DENND5B: variants seen among roughly 807,000 people sequenced by gnomAD.
DENND5B encodes the protein DENN domain-containing protein 5B.
DENND5B carries 34 observed loss-of-function variants against 140.6 expected under a neutral mutation model. The ratio of observed to expected loss-of-function variants is 0.24; its 90% confidence interval spans 0.18 to 0.32. DENND5B has a LOEUF of 0.32. Ranked by LOEUF, DENND5B falls within the 10% of genes least tolerant of loss-of-function variation. The pLI, the probability that DENND5B is intolerant of heterozygous loss-of-function variation, is 1.00. For synonymous variants in DENND5B, 551 were observed against 562.1 expected, an observed-to-expected ratio of 0.98 and a Z score of 0.28; for missense variants, 1,142 against 1,560.2, an observed-to-expected ratio of 0.73 and a Z score of 4.52.
At chr12:31,484,943 G>A (rs1020312714) in intron 2 of DENND5B, among the ~76,000 whole-genome samples, 6 of 152,054 alleles carry the variant, frequency 3.9e-5, no homozygotes, top group African/African-American at 1.4e-4. Context: ...TTAGACAACC[G>A]GCGATGACCA....
At chr12:31,577,249 T>C (rs532687266) in intron 1 of DENND5B, among the ~76,000 whole-genome samples, 2 of 152,170 alleles carry the variant, frequency 1.3e-5, no homozygotes, top group African/African-American at 2.4e-5. Flanking sequence ...TATGTTGTAC[T>C]AGAAAAGAGG....
chr12:31,440,684 G>A (rs1163689479), intron 7 of DENND5B, among the ~76,000 whole-genome samples: 2 of 151,996 alleles, frequency 1.3e-5, no homozygotes, highest in African/African-American at 4.8e-5. Context: ...TTTGAAAGAG[G>A]GTCTTTGCAA....
At chr12:31,407,126 T>G (rs1038501762) in intron 14 of DENND5B, among the ~76,000 whole-genome samples, 1 of 151,118 alleles carries the variant, frequency 6.6e-6, no homozygotes, top group Non-Finnish European at 1.5e-5. Context: ...ATTAATTAAT[T>G]AATTTATTTA....
chr12:31,589,171 A>C (rs1950510450), intron 1 of DENND5B, among the ~76,000 whole-genome samples: 1 of 152,190 alleles, frequency 6.6e-6, no homozygotes, highest in African/African-American at 2.4e-5. Flanking sequence ...TGGTGCCACA[A>C]ATGTTTAGGA....
At chr12:31,471,240 T>C (rs1010079481) in intron 3 of DENND5B, among the ~76,000 whole-genome samples, 22 of 152,290 alleles carry the variant, frequency 1.4e-4, no homozygotes, top group Admixed American at 1.4e-3. Context: ...CTGTAGTTTC[T>C]TGGTTTTGTG....
intron 14 of DENND5B, 73 bp from the exon 15 acceptor site, chr12:31,402,716 A>T: frequency 6.8e-7 from 1 of 1,467,532 alleles, no homozygotes; most frequent in Admixed American, 2.3e-5. Context: ...TATATTAAGA[A>T]CTCTTGTTGG....
chr12:31,391,739 A>AC (rs1466175055), intron 19 of DENND5B, among the ~76,000 whole-genome samples: 1 of 152,054 alleles, frequency 6.6e-6, no homozygotes, highest in East Asian at 1.9e-4. Flanking sequence ...TGCAGCCTTC[A>AC]CCTCCTAGGC....
At chr12:31,510,923 T>C (rs921864275) in intron 1 of DENND5B, among the ~76,000 whole-genome samples, 2 of 152,202 alleles carry the variant, frequency 1.3e-5, no homozygotes, top group Admixed American at 6.5e-5. Context: ...ATTAGGCTCC[T>C]ACACATCTTT....
At position 31,527,696 on chromosome 12, in the gene DENND5B, T is replaced by C. The variant is rs150344288; in HGVS notation, c.128-31777A>G. On this transcript the variant is annotated intron_variant, in intron 1 of 20. Transcript: ENST00000389082. Reference sequence around the variant, plus strand: ...GGGAGGCTGAGGCAGGAGAACTGCTTGAACCCGGGAGGTGGAGGTTGCAGT... The same window carrying C: ...GGGAGGCTGAGGCAGGAGAACTGCTCGAACCCGGGAGGTGGAGGTTGCAGT... 6.2e-3 allele frequency among the ~76,000 whole-genome samples: 938 copies of C among 152,248 alleles called. 4 individuals carry two copies. The highest frequency in any genetic ancestry group is 0.01 in the Middle Eastern group (3 of 294).
intron 1 of DENND5B, among the ~76,000 whole-genome samples, chr12:31,545,041 C>T (rs1027836077): frequency 6.6e-6 from 1 of 151,974 alleles, no homozygotes; most frequent in Admixed American, 6.6e-5. Context: ...TTTAGACAAT[C>T]GCCCCCACCA....
At chr12:31,570,556 C>T (rs1005777753) in intron 1 of DENND5B, among the ~76,000 whole-genome samples, 39 of 148,576 alleles carry the variant, frequency 2.6e-4, no homozygotes, top group African/African-American at 9.5e-4. Flanking sequence ...GGATTACAGG[C>T]GTGAGCCACT....
chr12:31,438,542 G>A (rs1308614711), intron 7 of DENND5B, among the ~76,000 whole-genome samples: 1 of 152,068 alleles, frequency 6.6e-6, no homozygotes, highest in Non-Finnish European at 1.5e-5. Flanking sequence ...AAAGAGCAAT[G>A]TAAGACTGTA....
At chr12:31,555,210 G>A (rs1453196446) in intron 1 of DENND5B, among the ~76,000 whole-genome samples, 2 of 152,098 alleles carry the variant, frequency 1.3e-5, no homozygotes, top group African/African-American at 4.8e-5. Context: ...CTTTGATGAT[G>A]GTGACGTACA....
chr12:31,402,975 GT>G (rs998446375), intron 14 of DENND5B, among the ~76,000 whole-genome samples: 1 of 152,098 alleles, frequency 6.6e-6, no homozygotes, highest in African/African-American at 2.4e-5. Flanking sequence ...TGTGTATATT[GT>G]GTTTTCATTG....
intron 2 of DENND5B, among the ~76,000 whole-genome samples, chr12:31,491,218 C>T (rs188615479): frequency 3.4e-4 from 51 of 152,160 alleles, no homozygotes; most frequent in African/African-American, 1.2e-3. Context: ...TCACAGAGGT[C>T]GAGGCGGGCA....
intron 2 of DENND5B, among the ~76,000 whole-genome samples, chr12:31,493,841 A>C (rs1205146266): frequency 6.6e-6 from 1 of 152,168 alleles, no homozygotes; most frequent in Non-Finnish European, 1.5e-5. Flanking sequence ...AAACAAAAAC[A>C]AAAACCAAAC....
intron 6 of DENND5B, 55 bp from the exon 7 acceptor site, chr12:31,442,980 A>T: frequency 6.7e-7 from 1 of 1,494,930 alleles, no homozygotes; most frequent in Non-Finnish European, 9.0e-7. Context: ...CCCTTCAAAA[A>T]TAATGCTTCC....
intron 5 of DENND5B, among the ~76,000 whole-genome samples, chr12:31,449,731 G>GTTTTTTTT (rs771712867): frequency 0.15 from 13,374 of 87,918 alleles, 1,821 homozygotes; most frequent in East Asian, 0.33. Flanking sequence ...ACACAGATTA[G>GTTTTTTTT]TTTTTTTTTT....
At chr12:31,433,046 G>A (rs1565573092) in intron 8 of DENND5B, 109 bp downstream of exon 8, 1 of 790,700 alleles carries the variant, frequency 1.3e-6, no homozygotes, top group Non-Finnish European at 2.0e-6. Context: ...TAACTAAACA[G>A]TTTTTTTTTT....
Sources: gnomAD v4.1 joint callset for allele counts (sites outside exome capture counted in the v4.1 genomes callset) on GRCh38, gnomAD v4.1.1 for gene constraint, MANE v1.5 for transcripts, NCBI Gene and HGNC (gene_info 2026-07-23, HGNC 2026-07-21) for gene names.